Variants in PPARD observed in about 807,000 individuals in gnomAD.
The protein encoded by PPARD is peroxisome proliferator activated receptor delta, also known as peroxisome proliferator-activated receptor delta.
Under a neutral mutation model 39.5 loss-of-function variants are expected in PPARD, and 6 were observed. The observed-to-expected ratio is 0.15, with a 90% CI of 0.08 to 0.30. PPARD has a LOEUF of 0.30. Among genes scored for constraint, PPARD ranks in the 10% least tolerant of loss-of-function variants. The pLI, the probability that PPARD is intolerant of heterozygous loss-of-function variation, is 1.00. For missense variants in PPARD, 397 were observed against 596.8 expected (o/e 0.67, Z 3.49); for synonymous variants, 210 against 231.3 (o/e 0.91, Z 0.83).
chr6:35,365,498 C>CTT (rs113453800), intron 2 of PPARD, among the ~76,000 whole-genome samples: 1 of 134,520 alleles, frequency 7.4e-6, no homozygotes, highest in Non-Finnish European at 1.6e-5. Flanking sequence ...CCAGTCTCTT[C>CTT]TTTTTTTTTT....
chr6:35,414,945 G>A (rs917520209), intron 3 of PPARD, among the ~76,000 whole-genome samples: 1 of 152,084 alleles, frequency 6.6e-6, no homozygotes, highest in Non-Finnish European at 1.5e-5. Flanking sequence ...CCATCAACAA[G>A]GAAACTGAGG....
chr6:35,403,474 A>G (rs1296275318), intron 2 of PPARD, among the ~76,000 whole-genome samples: 1 of 152,170 alleles, frequency 6.6e-6, no homozygotes, highest in Admixed American at 6.5e-5. Context: ...CGATGGCAGT[A>G]ATATATGAAA....
intron 2 of PPARD, among the ~76,000 whole-genome samples, chr6:35,408,518 G>A (rs1765209669): frequency 6.6e-6 from 1 of 152,122 alleles, no homozygotes; most frequent in Admixed American, 6.5e-5. Context: ...AACACCCAGG[G>A]GCGAGTGGTC....
intron 2 of PPARD, among the ~76,000 whole-genome samples, chr6:35,379,244 C>A (rs541725387): frequency 6.6e-6 from 1 of 152,174 alleles, no homozygotes; most frequent in Non-Finnish European, 1.5e-5. Context: ...GCTGGGGTTA[C>A]AGGCATCCGC....
At chr6:35,380,893 C>A (rs939513547) in intron 2 of PPARD, among the ~76,000 whole-genome samples, 2 of 152,156 alleles carry the variant, frequency 1.3e-5, no homozygotes, top group Non-Finnish European at 2.9e-5. Context: ...TGATGCCCAG[C>A]CTGCAGCACC....
intron 3 of PPARD, among the ~76,000 whole-genome samples, chr6:35,417,449 C>G (rs1765845920): frequency 6.6e-6 from 1 of 151,210 alleles, no homozygotes; most frequent in Non-Finnish European, 1.5e-5. Flanking sequence ...CGACACCCAA[C>G]TATTTTTTTT....
intron 2 of PPARD, among the ~76,000 whole-genome samples, chr6:35,349,653 T>C (rs1309411524): frequency 1.3e-5 from 2 of 151,948 alleles, no homozygotes; most frequent in African/African-American, 2.4e-5. Flanking sequence ...TGCACACCAC[T>C]GTGCCTGGCT....
rs368956472 is a variant in PPARD, at chr6:35,366,846, G to A, written c.-102+19696G>A. Among the ~76,000 whole-genome samples the A allele has an allele frequency of 3.9e-5, 6 of 152,282 alleles. No individual in the cohort carries two copies. Among genetic ancestry groups the A allele is most frequent in the South Asian group, 2.1e-4 (1 of 4,822 alleles). On this transcript the variant is annotated intron_variant, in intron 2 of 7. Transcript: ENST00000360694. The surrounding 1 kb of genome is among the most constrained non-coding windows in gnomAD (Gnocchi z 4.6). ...ATTATGGGCGTGAGCCGCTGCATCC[G>A]GCCTCTGTATTAAATACTTTAGCTG...
chr6:35,365,302 T>G (rs374134636), intron 2 of PPARD, among the ~76,000 whole-genome samples: 5 of 148,440 alleles, frequency 3.4e-5, no homozygotes, highest in Admixed American at 2.0e-4. Context: ...CAGCTAATTT[T>G]TGTGTGTGTG....
At chr6:35,367,815 T>C (rs1025226952) in intron 2 of PPARD, among the ~76,000 whole-genome samples, 2 of 152,240 alleles carry the variant, frequency 1.3e-5, no homozygotes, top group Non-Finnish European at 1.5e-5. Context: ...AAGCCAGTCG[T>C]GTTGAGGCCT....
Position 35,426,019 on chromosome 6 carries a change from G to A in PPARD, c.1266G>A (p.Lys422=), listed in dbSNP as rs190916729. ...EHAQMMQRIK[K]TETETSLHPL... The stretch of plus-strand genomic sequence containing the variant: ...CCCAGATGATGCAGCGGATCAAGAA[G>A]ACCGAAACCGAGACCTCGCTGCACC... The change falls in exon 8 of 8, where the codon AAG becomes AAA. Residue 422 remains lysine, a synonymous_variant. Coordinates refer to ENST00000360694, the MANE Select transcript of PPARD (RefSeq NM_006238.5). The A allele has an allele frequency of 6.2e-6, 10 of 1,614,002 alleles. No individual in the cohort carries two copies. The East Asian group carries it at 6.7e-5, about 11-fold the overall frequency.
At chr6:35,414,690 C>T (rs982799128) in intron 3 of PPARD, among the ~76,000 whole-genome samples, 8 of 152,128 alleles carry the variant, frequency 5.3e-5, no homozygotes, top group Admixed American at 3.9e-4. Context: ...TGTGACACAT[C>T]GCAGGTCTCA....
intron 2 of PPARD, among the ~76,000 whole-genome samples, chr6:35,394,363 A>G (rs1764189349): frequency 6.6e-6 from 1 of 152,250 alleles, no homozygotes; most frequent in Admixed American, 6.5e-5. Context: ...AGTCTTCTTC[A>G]GCTTTTTCTA....
chr6:35,390,971 A>G (rs371869369), intron 2 of PPARD, among the ~76,000 whole-genome samples: 1 of 152,192 alleles, frequency 6.6e-6, no homozygotes, highest in South Asian at 2.1e-4. Context: ...GCAGTGAGCT[A>G]TGATAGCACC....
At chr6:35,352,480 G>A (rs140282051) in intron 2 of PPARD, among the ~76,000 whole-genome samples, 9 of 152,236 alleles carry the variant, frequency 5.9e-5, no homozygotes, top group African/African-American at 1.4e-4. Context: ...CACCGCGCCC[G>A]GCCACAAAGA....
At chr6:35,388,345 G>A (rs952480736) in intron 2 of PPARD, among the ~76,000 whole-genome samples, 1 of 152,128 alleles carries the variant, frequency 6.6e-6, no homozygotes, top group Non-Finnish European at 1.5e-5. Flanking sequence ...GAGCCTGGTG[G>A]GCAGCACGTG....
chr6:35,384,024 T>C (rs1475245179), intron 2 of PPARD, among the ~76,000 whole-genome samples: 108 of 142,264 alleles, frequency 7.6e-4, no homozygotes, highest in Middle Eastern at 3.8e-3. Context: ...AGCCGCCCCG[T>C]CAGGGAGGGA....
intron 3 of PPARD, among the ~76,000 whole-genome samples, chr6:35,418,013 A>G (rs1186867756): frequency 3.3e-5 from 5 of 152,140 alleles, no homozygotes; most frequent in Non-Finnish European, 7.3e-5. Context: ...GGAGGATGAG[A>G]AAGGCACCTC....
At chr6:35,357,622 C>T (rs959085431) in intron 2 of PPARD, among the ~76,000 whole-genome samples, 2 of 151,924 alleles carry the variant, frequency 1.3e-5, no homozygotes, top group South Asian at 2.1e-4. Context: ...CTGCAACCTC[C>T]GCCTCCCGGG....
Sources: allele counts gnomAD v4.1 joint callset (sites outside exome capture counted in the v4.1 genomes callset), GRCh38; gene constraint gnomAD v4.1.1; non-coding constraint Gnocchi (gnomAD v3.1); transcripts MANE v1.5; gene names NCBI Gene and HGNC (gene_info 2026-07-23, HGNC 2026-07-21).